Variants in NFATC3 observed in about 807,000 individuals in gnomAD.
The protein encoded by NFATC3 is nuclear factor of activated T-cells, cytoplasmic 3.
Under a neutral mutation model 98.6 loss-of-function variants are expected in NFATC3, and 46 were observed. That is an observed-to-expected ratio of 0.47 (90% CI 0.37 to 0.60). The LOEUF (loss-of-function observed/expected upper bound fraction) is 0.60, where lower values mean the gene tolerates loss of function less well. Ranked by LOEUF, NFATC3 falls within the 20% of genes least tolerant of loss-of-function variation. The probability of loss-of-function intolerance (pLI) is 0.00; values close to 1 mark genes in which losing one functional copy is unlikely to be tolerated. For synonymous variants in NFATC3, 512 were observed against 472.2 expected, an observed-to-expected ratio of 1.08 and a Z score of -1.09; for missense variants, 1,256 against 1,295.5, an observed-to-expected ratio of 0.97 and a Z score of 0.47.
intron 9 of NFATC3, among the ~76,000 whole-genome samples, chr16:68,194,928 T>C (rs902746943): frequency 1.3e-5 from 2 of 152,124 alleles, no homozygotes; most frequent in Non-Finnish European, 2.9e-5. Flanking sequence ...AGCAATTTTA[T>C]TTTTGCTCCC....
intron 8 of NFATC3, among the ~76,000 whole-genome samples, chr16:68,186,472 G>A (rs768025965): frequency 2.0e-5 from 3 of 151,984 alleles, no homozygotes; most frequent in East Asian, 1.9e-4. Flanking sequence ...CCCAGGAGGC[G>A]GAGCTTGCAG....
rs533670923 is a variant in NFATC3, at chr16:68,152,333, C to T, written c.1402-5536C>T. ...AGCAAATGTTGCAGTGAGCCAAGAT[C>T]ACGCCACAGCACTGCAGCCTGGGCA... On this transcript the variant is annotated intron_variant, in intron 3 of 9. Coordinates refer to ENST00000346183, the MANE Select transcript of NFATC3 (RefSeq NM_173165.3). 2.1e-5 allele frequency among the ~76,000 whole-genome samples: 3 copies of T among 141,942 alleles called. No homozygotes were observed. In the East Asian group the frequency reaches 6.2e-4, roughly 29 times the overall value. 93.1% of individuals were successfully genotyped at this position (141,942 alleles called of 152,430 possible).
In NFATC3 at chr16:68,169,360, C is replaced by G. The variant is rs886505919; in HGVS notation, c.1774+2345C>G. 7.4e-4 allele frequency among the ~76,000 whole-genome samples: 112 copies of G among 152,094 alleles called. 1 individual carries two copies. The highest frequency in any genetic ancestry group is 2.7e-3 in the African/African-American group (111 of 41,420). On this transcript the variant is annotated intron_variant, in intron 5 of 9. Coordinates refer to ENST00000346183, the MANE Select transcript of NFATC3 (RefSeq NM_173165.3). ...CTTGGTTCACTGCAGCCTCCGCCTC[C>G]CAGGCTTAAGCAATCCTCCCACCTC...
intron 3 of NFATC3, chr16:68,138,564 G>A: frequency 1.6e-6 from 2 of 1,289,122 alleles, no homozygotes; most frequent in Non-Finnish European, 2.0e-6. Context: ...AGCTTCTACT[G>A]TCCATGGGAA....
intron 6 of NFATC3, among the ~76,000 whole-genome samples, chr16:68,176,030 G>A (rs1242335837): frequency 6.6e-6 from 1 of 151,728 alleles, no homozygotes; most frequent in Non-Finnish European, 1.5e-5. Flanking sequence ...CCCGGCTGGA[G>A]TGCGGTGGCA....
intron 3 of NFATC3, among the ~76,000 whole-genome samples, chr16:68,143,478 A>G (rs1567518496): frequency 6.6e-6 from 1 of 152,178 alleles, no homozygotes; most frequent in African/African-American, 2.4e-5. Flanking sequence ...TTGGACACCC[A>G]TAAGGCAAAA....
intron 1 of NFATC3, among the ~76,000 whole-genome samples, chr16:68,100,837 T>C (rs1345700236): frequency 6.6e-6 from 1 of 151,968 alleles, no homozygotes; most frequent in Non-Finnish European, 1.5e-5. Context: ...GTCTAAGTCT[T>C]TGCCCCTTTT....
chr16:68,113,167 C>G lies in NFATC3; in HGVS notation c.104-8820C>G, dbSNP rs1377905424. On this transcript the variant is annotated intron_variant, in intron 1 of 9. Transcript: ENST00000346183. ...TGCAATCATTTAGAGAAGAGACACT[C>G]TGGCTCTTTGAGATTTCAGCGTTCT... Among the ~76,000 whole-genome samples the G allele has an allele frequency of 2.6e-5, 4 of 152,202 alleles. No individual in the cohort carries two copies. The East Asian group carries it at 7.7e-4, about 29-fold the overall frequency.
chr16:68,219,671 C>A (rs1366230557), intron 9 of NFATC3, among the ~76,000 whole-genome samples: 1 of 152,140 alleles, frequency 6.6e-6, no homozygotes, highest in Non-Finnish European at 1.5e-5. Context: ...AATAACATGA[C>A]CAAACTTTGG....
intron 2 of NFATC3, among the ~76,000 whole-genome samples, chr16:68,124,774 G>A (rs908429438): frequency 4.0e-5 from 6 of 150,722 alleles, no homozygotes; most frequent in Non-Finnish European, 7.4e-5. Context: ...CTGTCGCCCA[G>A]GCTCAAGTGC....
rs2040412021 is a variant in NFATC3, at chr16:68,191,432, G to T, written c.2763G>T (p.Gly921=). Residue 921 remains glycine, a synonymous_variant, in exon 9 of 10, where the codon GGG becomes GGT. Coordinates refer to ENST00000346183, the MANE Select transcript of NFATC3 (RefSeq NM_173165.3). ...QPITYGPSHS[G]SATTASPAAS... ...TTACATATGGTCCTTCACATTCAGG[G>T]TCTGCTACAACAGCTTCCCCAGCAG... The T allele has an allele frequency of 1.9e-6, 3 of 1,613,960 alleles. No homozygotes were observed. In the South Asian group the frequency reaches 3.3e-5, roughly 18 times the overall value.
At chr16:68,149,808 A>G (rs2038220844) in intron 3 of NFATC3, among the ~76,000 whole-genome samples, 1 of 152,226 alleles carries the variant, frequency 6.6e-6, no homozygotes, top group Non-Finnish European at 1.5e-5. Context: ...AATTAATAAT[A>G]CTAAAATAGA....
chr16:68,226,139 C>A, intron 9 of NFATC3: 3 of 461,888 alleles, frequency 6.5e-6, no homozygotes, highest in Non-Finnish European at 1.1e-5. Context: ...CCAAAATGAA[C>A]TGAATGAGAG....
At chr16:68,221,248 G>C in intron 9 of NFATC3, 1 of 1,613,968 alleles carries the variant, frequency 6.2e-7, no homozygotes, top group South Asian at 1.1e-5. Context: ...CTACGTTTTG[G>C]CCAGTCCCAG....
chr16:68,153,239 G>A (rs1223781020), intron 3 of NFATC3, among the ~76,000 whole-genome samples: 1 of 152,096 alleles, frequency 6.6e-6, no homozygotes, highest in Non-Finnish European at 1.5e-5. Context: ...TGGCCAACAT[G>A]GTGAAACCCC....
intron 5 of NFATC3, among the ~76,000 whole-genome samples, chr16:68,170,252 G>T (rs765232752): frequency 6.6e-6 from 1 of 151,124 alleles, no homozygotes; most frequent in Admixed American, 6.6e-5. Flanking sequence ...TTAGATGGGC[G>T]TGGTGGCGTG....
chr16:68,190,751 A>C lies in NFATC3; in HGVS notation c.2099-17A>C, dbSNP rs375504415. On this transcript the variant is annotated splice_polypyrimidine_tract_variant and intron_variant, in intron 8 of 9. Coordinates refer to ENST00000346183, the MANE Select transcript of NFATC3 (RefSeq NM_173165.3). ...TGTATTGTATAATAATATTTGCTTT[A>C]ATCATTTTCTTTTCAGTTTTGATGA... is the stretch of plus-strand genomic sequence containing the variant. 5.7e-6 allele frequency: 9 copies of C among 1,580,168 alleles called. No individual in the cohort carries two copies. The South Asian group carries it at 9.3e-5, about 16-fold the overall frequency.
chr16:68,095,975 T>C (rs2034997685), intron 1 of NFATC3, among the ~76,000 whole-genome samples: 1 of 152,238 alleles, frequency 6.6e-6, no homozygotes, highest in South Asian at 2.1e-4. Flanking sequence ...TTTTAAATGC[T>C]TATTTTATTT....
chr16:68,215,722 CTT>C (rs35024337), intron 9 of NFATC3, among the ~76,000 whole-genome samples: 3 of 96,040 alleles, frequency 3.1e-5, no homozygotes, highest in Admixed American at 1.2e-4. Context: ...GAGATTTGCA[CTT>C]TTTTTTTTTT....
Sources: allele counts gnomAD v4.1 joint callset (sites outside exome capture counted in the v4.1 genomes callset), GRCh38; gene constraint gnomAD v4.1.1; transcripts MANE v1.5; gene names NCBI Gene and HGNC (gene_info 2026-07-23, HGNC 2026-07-21).